CNGA1: variants seen among roughly 807,000 people sequenced by gnomAD.
CNGA1 encodes cyclic nucleotide gated channel subunit alpha 1, also known as cyclic nucleotide-gated channel alpha-1.
Under a neutral mutation model 69.7 loss-of-function variants are expected in CNGA1, and 53 were observed. The ratio of observed to expected loss-of-function variants is 0.76; its 90% confidence interval spans 0.61 to 0.96. The LOEUF is 0.96. CNGA1 is among the 40% of genes least tolerant of loss of function. The probability of loss-of-function intolerance (pLI) is 0.00; values close to 1 mark genes in which losing one functional copy is unlikely to be tolerated. For synonymous variants in CNGA1, 249 were observed against 283.5 expected, an observed-to-expected ratio of 0.88 and a Z score of 1.22; for missense variants, 739 against 811.2, an observed-to-expected ratio of 0.91 and a Z score of 1.08.
At position 47,940,774 on chromosome 4, in the gene CNGA1, C is replaced by T. The variant is rs776929323; in HGVS notation, c.641G>A (p.Arg214Gln). The change falls in exon 10 of 11, where the codon CGA becomes CAA. Residue 214 changes from arginine to glutamine, a missense_variant. By Grantham distance (43) the Arg-to-Gln change is conservative (BLOSUM62 1). Coordinates refer to ENST00000514170, the MANE Select transcript of CNGA1 (RefSeq NM_001379270.1). Reference sequence around the variant, plus strand: ...CTGAACATATTTACCTGTCCTTGTTCGTACAAACATATCGATTAAATAGAC... The same window carrying T: ...CTGAACATATTTACCTGTCCTTGTTTGTACAAACATATCGATTAAATAGAC... ...DIVYLIDMFV[R>Q]TRTGYLEQGL... 20 of 1,593,102 alleles carry T rather than the reference C, an allele frequency of 1.3e-5. No homozygotes were observed. In the East Asian group the frequency reaches 1.8e-4, roughly 14 times the overall value.
intron 5 of CNGA1, among the ~76,000 whole-genome samples, chr4:47,950,958 A>G (rs1185180623): frequency 1.3e-5 from 2 of 152,228 alleles, no homozygotes; most frequent in Non-Finnish European, 2.9e-5. Flanking sequence ...ACAAGAAATC[A>G]GAAAGGACTG....
intron 2 of CNGA1, among the ~76,000 whole-genome samples, chr4:47,984,704 A>ATAAT (rs71200906): frequency 1.9e-4 from 29 of 149,606 alleles, no homozygotes; most frequent in Admixed American, 1.9e-3. Flanking sequence ...ATATATATAT[A>ATAAT]ATATATATAA....
At chr4:47,955,939 G>A (rs1438999575) in intron 3 of CNGA1, among the ~76,000 whole-genome samples, 1 of 152,216 alleles carries the variant, frequency 6.6e-6, no homozygotes, top group African/African-American at 2.4e-5. Flanking sequence ...TTCATTAGAA[G>A]TTATGAAAAC....
intron 2 of CNGA1, among the ~76,000 whole-genome samples, chr4:47,998,065 A>AAAC (rs911327659): frequency 6.6e-6 from 1 of 152,220 alleles, no homozygotes; most frequent in Admixed American, 6.5e-5. Flanking sequence ...AAAATGCACA[A>AAAC]AACAACAACA....
rs1738623657 is a variant in CNGA1, at chr4:47,936,137, T to A, written c.*284A>T. ...ATTCATTTTTATGAAGAATATTACA[T>A]AAAATGAGCGTATGTGAAAAAATCA... On this transcript the variant is annotated 3_prime_UTR_variant, in exon 11 of 11. Transcript: ENST00000514170. 4.2e-6 allele frequency: 2 copies of A among 472,050 alleles called. No homozygotes were observed. The highest frequency in any genetic ancestry group is 5.2e-5 in the South Asian group (2 of 38,244). The allele number at this position is 472,050 out of a possible 1,614,324, so 29.2% of individuals were successfully genotyped here. A position where few individuals can be genotyped will look rare whatever the true frequency, so the allele number is the denominator to read the frequency against.
At chr4:47,946,219 C>T (rs1338196748) in intron 6 of CNGA1, among the ~76,000 whole-genome samples, 1 of 151,998 alleles carries the variant, frequency 6.6e-6, no homozygotes, top group Admixed American at 6.6e-5. Flanking sequence ...CATCAGACCC[C>T]TGCAAAAACC....
intron 3 of CNGA1, among the ~76,000 whole-genome samples, chr4:47,960,395 T>C (rs967987387): frequency 4.6e-5 from 7 of 152,204 alleles, no homozygotes; most frequent in African/African-American, 1.7e-4. Context: ...CAATTTAAGA[T>C]GGATCACTGA....
Position 47,952,667 on chromosome 4 carries a change from G to A in CNGA1, c.23C>T (p.Thr8Ile). 2 of 1,605,606 alleles carry A rather than the reference G, an allele frequency of 1.2e-6. No homozygotes were observed. The highest frequency in any genetic ancestry group is 8.5e-7 in the Non-Finnish European group (1 of 1,174,298). Reference sequence around the variant, plus strand: ...GGGCATGGTTACAAAAGACTGCTGTGTATTGATAATATTGTTCTTCATGGA... The same window carrying A: ...GGGCATGGTTACAAAAGACTGCTGTATATTGATAATATTGTTCTTCATGGA... Reference protein sequence around the residue: MKNNIINTQQSFVTMPNV... With the variant: MKNNIINIQQSFVTMPNV... The change falls in exon 4 of 11, where the codon ACA (threonine) becomes ATA (isoleucine). Residue 8 changes from threonine (T) to isoleucine (I), a missense_variant. By Grantham distance (89) the Thr-to-Ile change is moderately conservative (BLOSUM62 -1). Coordinates refer to ENST00000514170, the MANE Select transcript of CNGA1 (RefSeq NM_001379270.1).
chr4:47,946,245 G>C (rs1291302577), intron 6 of CNGA1, among the ~76,000 whole-genome samples: 2 of 150,338 alleles, frequency 1.3e-5, no homozygotes, highest in Non-Finnish European at 3.0e-5. Flanking sequence ...GATCCTAATG[G>C]ATAGCAATAG....
intron 2 of CNGA1, among the ~76,000 whole-genome samples, chr4:47,990,519 C>G (rs372432028): frequency 1.3e-5 from 2 of 152,282 alleles, no homozygotes; most frequent in Admixed American, 6.5e-5. Flanking sequence ...AATGCATGCA[C>G]AGTGGGACAT....
At chr4:47,994,925 C>T (rs762927535) in intron 2 of CNGA1, among the ~76,000 whole-genome samples, 22 of 151,964 alleles carry the variant, frequency 1.4e-4, no homozygotes, top group Non-Finnish European at 1.9e-4. Context: ...TGTATCTTTC[C>T]TTCATATATG....
chr4:48,016,519 C>A lies in CNGA1; in HGVS notation c.-259G>T. ...CCACGCTCCGAGAGACGCTGTTGCT[C>A]TATGAGGCGTGTCTGTGTTTCTCTA... On this transcript the variant is annotated 5_prime_UTR_variant, in exon 1 of 11. Coordinates refer to ENST00000514170, the MANE Select transcript of CNGA1 (RefSeq NM_001379270.1). 1 of 423,478 alleles carries A rather than the reference C, an allele frequency of 2.4e-6. No individual in the cohort carries two copies. The allele number at this position is 423,478 out of a possible 1,614,324, so 26.2% of individuals were successfully genotyped here.
At chr4:47,963,697 T>G (rs1740580751) in intron 3 of CNGA1, among the ~76,000 whole-genome samples, 1 of 152,162 alleles carries the variant, frequency 6.6e-6, no homozygotes, top group Non-Finnish European at 1.5e-5. Context: ...CAATGAACTG[T>G]CAATCATGTC....
At chr4:48,009,610 C>A (rs982685814) in intron 2 of CNGA1, among the ~76,000 whole-genome samples, 1 of 152,064 alleles carries the variant, frequency 6.6e-6, no homozygotes, top group Non-Finnish European at 1.5e-5. Context: ...TCAAGACCAC[C>A]CTGACCAACA....
chr4:48,002,825 G>A (rs1423609485), intron 2 of CNGA1, among the ~76,000 whole-genome samples: 3 of 152,104 alleles, frequency 2.0e-5, no homozygotes, highest in Admixed American at 2.0e-4. Flanking sequence ...GGCTGGCAAT[G>A]GTTTATGTCT....
chr4:47,999,429 G>A (rs1714561926), intron 2 of CNGA1, among the ~76,000 whole-genome samples: 1 of 152,078 alleles, frequency 6.6e-6, no homozygotes, highest in South Asian at 2.1e-4. Flanking sequence ...CTCTTTTAAG[G>A]AGGCAATAAA....
intron 2 of CNGA1, among the ~76,000 whole-genome samples, chr4:47,999,592 T>G (rs1178292429): frequency 6.6e-6 from 1 of 152,172 alleles, no homozygotes; most frequent in East Asian, 1.9e-4. Flanking sequence ...GGCATATGTC[T>G]GGGAACAGTA....
In CNGA1 at chr4:47,937,071, T is replaced by C; in HGVS notation, c.1411A>G (p.Lys471Glu). Residue 471 changes from lysine to glutamate, a missense_variant, in exon 11 of 11, where the codon AAA (lysine) becomes GAA (glutamate). Physicochemically the swap from Lys to Glu is moderately conservative, Grantham distance 56 (BLOSUM62 1). Transcript: ENST00000514170. ...IAINVHLDTL[K>E]KVRIFADCEA... ...CAATCAGCAAAAATGCGTACCTTTT[T>C]TAATGTGTCTAAGTGAACGTTGATG... 6.2e-7 allele frequency: 1 copy of C among 1,614,222 alleles called. No homozygotes were observed. Among genetic ancestry groups the C allele is most frequent in the Non-Finnish European group, 8.5e-7 (1 of 1,180,044 alleles).
In CNGA1 at chr4:47,952,477, A is replaced by T; in HGVS notation, c.107+106T>A. Reference sequence around the variant, plus strand: ...TGTAAATAAATTTGCTAAATACATTACAAAGTTCAAGGTTACAAATTATAA... The same window carrying T: ...TGTAAATAAATTTGCTAAATACATTTCAAAGTTCAAGGTTACAAATTATAA... On this transcript the variant is annotated intron_variant, in intron 4 of 10. Coordinates refer to ENST00000514170, the MANE Select transcript of CNGA1 (RefSeq NM_001379270.1). 1.2e-5 allele frequency: 14 copies of T among 1,173,998 alleles called. No homozygotes were observed. In the South Asian group the frequency reaches 2.0e-4, roughly 17 times the overall value. 72.7% of individuals were successfully genotyped at this position (1,173,998 alleles called of 1,614,324 possible). A position where few individuals can be genotyped will look rare whatever the true frequency, so the allele number is the denominator to read the frequency against.
Sources: gnomAD v4.1 joint callset for allele counts (sites outside exome capture counted in the v4.1 genomes callset) on GRCh38, gnomAD v4.1.1 for gene constraint, MANE v1.5 for transcripts, NCBI Gene and HGNC (gene_info 2026-07-23, HGNC 2026-07-21) for gene names.